Variants in AUTS2 observed in about 807,000 individuals in gnomAD.
AUTS2 encodes activator of transcription and developmental regulator AUTS2, also known as autism susceptibility gene 2 protein.
In AUTS2, 17 loss-of-function variants were observed where a neutral mutation model predicts 112.4. That is an observed-to-expected ratio of 0.15 (90% CI 0.10 to 0.23). AUTS2 has a LOEUF of 0.23. AUTS2 is among the 10% of genes least tolerant of loss of function. The pLI is 1.00. For missense variants in AUTS2, 1,510 were observed against 1,701.6 expected, an observed-to-expected ratio of 0.89 and a Z score of 1.98; for synonymous variants, 751 against 702.7, an observed-to-expected ratio of 1.07 and a Z score of -1.09.
At chr7:70,522,677 TACC>T (rs1191277594) in intron 5 of AUTS2, among the ~76,000 whole-genome samples, 1 of 152,256 alleles carries the variant, frequency 6.6e-6, no homozygotes, top group Non-Finnish European at 1.5e-5. Flanking sequence ...GATGTATATG[TACC>T]ACATTTTCTT....
At chr7:70,578,813 G>C (rs1802292044) in intron 5 of AUTS2, among the ~76,000 whole-genome samples, 1 of 151,846 alleles carries the variant, frequency 6.6e-6, no homozygotes, top group African/African-American at 2.4e-5. Flanking sequence ...CATTTTCCCT[G>C]GGTCCTTCTT....
In AUTS2 at chr7:70,766,006, G is replaced by A; in HGVS notation, c.1469-108G>A. 2 of 1,501,788 alleles carry A rather than the reference G, an allele frequency of 1.3e-6. No individual in the cohort carries two copies. The highest frequency in any genetic ancestry group is 8.9e-7 in the Non-Finnish European group (1 of 1,124,286). The allele number at this position is 1,501,788 out of a possible 1,614,324, so 93.0% of individuals were successfully genotyped here. On this transcript the variant is annotated intron_variant, in intron 8 of 18. Transcript: ENST00000342771. This position sits in a 1 kb window ranked among gnomAD's most constrained non-coding sequence, Gnocchi z 4.8. ...TTATCTCAGGGCCCAGCCACACCCT[G>A]TCACCCCTGCCACTGTGTCACCAGC...
chr7:70,070,642 G>T (rs952588002), intron 2 of AUTS2, among the ~76,000 whole-genome samples: 16 of 152,126 alleles, frequency 1.1e-4, no homozygotes, highest in African/African-American at 3.9e-4. Context: ...GAGGAGGGTG[G>T]ATCATGAGGT....
chr7:69,922,898 T>C (rs545727467), intron 2 of AUTS2, among the ~76,000 whole-genome samples: 3 of 152,314 alleles, frequency 2.0e-5, no homozygotes, highest in East Asian at 3.9e-4. Context: ...CTTATACTTA[T>C]AGTAAAGGGA....
chr7:70,654,848 G>T (rs1366495763), intron 5 of AUTS2, among the ~76,000 whole-genome samples: 5 of 152,060 alleles, frequency 3.3e-5, no homozygotes, highest in African/African-American at 9.7e-5. Context: ...TTCCTGCTTG[G>T]CACTTTTGTT....
At chr7:70,686,004 C>T (rs2129545762) in intron 5 of AUTS2, among the ~76,000 whole-genome samples, 1 of 152,276 alleles carries the variant, frequency 6.6e-6, no homozygotes, top group East Asian at 1.9e-4. Flanking sequence ...TGAGCAAGCC[C>T]CCGCCCCAGC....
chr7:69,828,340 T>C (rs1387846124), intron 1 of AUTS2, among the ~76,000 whole-genome samples: 1 of 152,224 alleles, frequency 6.6e-6, no homozygotes, highest in African/African-American at 2.4e-5. Flanking sequence ...GGTTGTTGTC[T>C]GCATGTGGTG....
In AUTS2 at chr7:70,766,103, T is replaced by A; in HGVS notation, c.1469-11T>A. 6.2e-7 allele frequency: 1 copy of A among 1,609,946 alleles called. No homozygotes were observed. Among genetic ancestry groups the A allele is most frequent in the Non-Finnish European group, 8.5e-7 (1 of 1,176,550 alleles). Reference sequence around the variant, plus strand: ...AAAAGGCGTCATCGTCTCCCTCTTCTTCTCTTCCAGAGCAAGACATCTTGC... The same window carrying A: ...AAAAGGCGTCATCGTCTCCCTCTTCATCTCTTCCAGAGCAAGACATCTTGC... On this transcript the variant is annotated splice_polypyrimidine_tract_variant and intron_variant, in intron 8 of 18. Coordinates refer to ENST00000342771, the MANE Select transcript of AUTS2 (RefSeq NM_015570.4). This position sits in a 1 kb window ranked among gnomAD's most constrained non-coding sequence, Gnocchi z 4.8.
chr7:70,667,819 T>C (rs1426518012), intron 5 of AUTS2, among the ~76,000 whole-genome samples: 1 of 152,236 alleles, frequency 6.6e-6, no homozygotes, highest in Non-Finnish European at 1.5e-5. Flanking sequence ...AATCTGATTT[T>C]ATGTTCTTCC....
At chr7:70,324,756 A>C (rs1790410167) in intron 4 of AUTS2, among the ~76,000 whole-genome samples, 1 of 152,224 alleles carries the variant, frequency 6.6e-6, no homozygotes, top group African/African-American at 2.4e-5. Context: ...AGCACTAGAG[A>C]TGATGTGAGA....
At chr7:70,447,340 A>C (rs1480362975) in intron 5 of AUTS2, among the ~76,000 whole-genome samples, 1 of 152,270 alleles carries the variant, frequency 6.6e-6, no homozygotes, top group East Asian at 1.9e-4. Flanking sequence ...TACATTATAC[A>C]GCTAATGGTA....
At chr7:70,603,706 C>T (rs1435149364) in intron 5 of AUTS2, among the ~76,000 whole-genome samples, 2 of 152,152 alleles carry the variant, frequency 1.3e-5, no homozygotes, top group Non-Finnish European at 2.9e-5. Flanking sequence ...CCCCTGCCAG[C>T]CAAAGAAAAT....
At chr7:70,673,125 T>G (rs1419365742) in intron 5 of AUTS2, among the ~76,000 whole-genome samples, 1 of 152,096 alleles carries the variant, frequency 6.6e-6, no homozygotes, top group Non-Finnish European at 1.5e-5. Context: ...CTGTTTACAG[T>G]GAGGAGTATA....
intron 5 of AUTS2, among the ~76,000 whole-genome samples, chr7:70,559,358 G>A (rs182766594): frequency 0.016 from 2,441 of 149,222 alleles, 64 homozygotes; most frequent in African/African-American, 0.056. Context: ...TTTCTGAGGC[G>A]GAGTCTTGCT....
At chr7:69,985,689 G>T (rs1798482672) in intron 2 of AUTS2, among the ~76,000 whole-genome samples, 1 of 151,716 alleles carries the variant, frequency 6.6e-6, no homozygotes. Context: ...ATTCTGTACT[G>T]TAGCTCTTAA....
At chr7:70,255,630 A>G (rs1239307986) in intron 4 of AUTS2, among the ~76,000 whole-genome samples, 2 of 152,164 alleles carry the variant, frequency 1.3e-5, no homozygotes, top group Non-Finnish European at 2.9e-5. Context: ...GTTTCATAGT[A>G]ATATCCTTCA....
intron 4 of AUTS2, among the ~76,000 whole-genome samples, chr7:70,432,711 C>A (rs1795726945): frequency 1.3e-5 from 2 of 152,210 alleles, no homozygotes; most frequent in Non-Finnish European, 2.9e-5. Flanking sequence ...CATTTATTGG[C>A]TTTGCATAAT....
rs775590210 is a variant in AUTS2 at position 70,435,736 on chromosome 7, T to C, written c.661-16T>C. The C allele has an allele frequency of 1.2e-6, 2 of 1,614,080 alleles. No individual in the cohort carries two copies. The highest frequency in any genetic ancestry group is 2.2e-5 in the South Asian group (2 of 91,070). ...AGTTCTTGCACTAACCCTTATTCTC[T>C]TGTCTTCATTTTCAGTGTGACAGTG... On this transcript the variant is annotated splice_polypyrimidine_tract_variant and intron_variant, in intron 4 of 18. Transcript: ENST00000342771.
chr7:69,755,730 C>A (rs931886562), intron 1 of AUTS2, among the ~76,000 whole-genome samples: 1 of 152,074 alleles, frequency 6.6e-6, no homozygotes, highest in South Asian at 2.1e-4. Flanking sequence ...ATGCACAGGG[C>A]AGAATAGGTC....
Sources: allele counts gnomAD v4.1 joint callset (sites outside exome capture counted in the v4.1 genomes callset), GRCh38; gene constraint gnomAD v4.1.1; non-coding constraint Gnocchi (gnomAD v3.1); transcripts MANE v1.5; gene names NCBI Gene and HGNC (gene_info 2026-07-23, HGNC 2026-07-21).